TENM2: variants seen among roughly 807,000 people sequenced by gnomAD.
TENM2 encodes teneurin-2.
In TENM2, 52 loss-of-function variants were observed where a neutral mutation model predicts 245.2. That is an observed-to-expected ratio of 0.21 (90% CI 0.17 to 0.27). TENM2 has a LOEUF of 0.27. Ranked by LOEUF, TENM2 falls within the 10% of genes least tolerant of loss-of-function variation. The probability of loss-of-function intolerance (pLI) is 1.00; values close to 1 mark genes in which losing one functional copy is unlikely to be tolerated. For missense variants in TENM2, 3,046 were observed against 3,666.8 expected (o/e 0.83, Z 4.37); for synonymous variants, 1,363 against 1,438.9 (o/e 0.95, Z 1.19).
At chr5:167,663,790 G>A (rs1400046762) in intron 2 of TENM2, among the ~76,000 whole-genome samples, 1 of 151,758 alleles carries the variant, frequency 6.6e-6, no homozygotes, top group Non-Finnish European at 1.5e-5. Context: ...GAACATATAT[G>A]CGTCAAATTT....
intron 2 of TENM2, among the ~76,000 whole-genome samples, chr5:167,867,711 G>A (rs952545329): frequency 6.6e-6 from 1 of 152,164 alleles, no homozygotes; most frequent in African/African-American, 2.4e-5. Flanking sequence ...AGACATAAGA[G>A]GTCATAATGA....
At chr5:167,224,497 T>C in the TENM2 span, among the ~76,000 whole-genome samples, 1 of 152,070 alleles carries the variant, frequency 6.6e-6, no homozygotes, top group African/African-American at 2.4e-5. Flanking sequence ...CAGCTGGCTG[T>C]AAGTATGTGG....
At chr5:167,558,392 G>A (rs187978431) in intron 2 of TENM2, among the ~76,000 whole-genome samples, 64 of 152,290 alleles carry the variant, frequency 4.2e-4, no homozygotes, top group Admixed American at 1.0e-3. Flanking sequence ...AGGCCAAATT[G>A]AAAGTATAAA....
intron 8 of TENM2, among the ~76,000 whole-genome samples, chr5:168,094,914 G>C (rs1038361276): frequency 1.1e-4 from 17 of 152,088 alleles, no homozygotes; most frequent in African/African-American, 4.1e-4. Context: ...GATTATCATA[G>C]GAGGGCAAAC....
At chr5:167,423,960 G>C (rs1261263378) in intron 2 of TENM2, among the ~76,000 whole-genome samples, 1 of 152,130 alleles carries the variant, frequency 6.6e-6, no homozygotes, top group Admixed American at 6.5e-5. Flanking sequence ...CAAGTCCCAT[G>C]TGCTTTGTAG....
intron 2 of TENM2, among the ~76,000 whole-genome samples, chr5:167,439,264 G>C (rs996436681): frequency 1.3e-5 from 2 of 152,270 alleles, no homozygotes; most frequent in South Asian, 4.1e-4. Context: ...TAAAGTCATT[G>C]GACACTGCTC....
chr5:167,923,458 T>C (rs751244842), intron 3 of TENM2, among the ~76,000 whole-genome samples: 1 of 152,198 alleles, frequency 6.6e-6, no homozygotes, highest in Non-Finnish European at 1.5e-5. Flanking sequence ...ATAGGATTAA[T>C]TGATGCATAA....
At position 167,760,149 on chromosome 5, in the gene TENM2, G is replaced by T. The variant is rs201030452; in HGVS notation, c.503-115837G>T. Among the ~76,000 whole-genome samples, 55 of 152,168 alleles carry T rather than the reference G, an allele frequency of 3.6e-4. 1 individual carries two copies. The East Asian group carries it at 0.01, about 29-fold the overall frequency. On this transcript the variant is annotated intron_variant, in intron 2 of 28. Coordinates refer to ENST00000518659, the Ensembl canonical transcript of TENM2. Reference sequence around the variant, plus strand: ...CCAGCTCTTCACTGGTTAAAACTCCGCATGGTACATTTTATCCTCAATGGC... The same window carrying T: ...CCAGCTCTTCACTGGTTAAAACTCCTCATGGTACATTTTATCCTCAATGGC...
intron 1 of TENM2, among the ~76,000 whole-genome samples, chr5:167,342,653 C>T (rs1250311381): frequency 6.6e-6 from 1 of 150,944 alleles, no homozygotes; most frequent in Non-Finnish European, 1.5e-5. Flanking sequence ...TCAGCCTCCC[C>T]AGTAGCTGGG....
At chr5:167,370,622 G>T (rs572220024) in intron 1 of TENM2, among the ~76,000 whole-genome samples, 2 of 152,308 alleles carry the variant, frequency 1.3e-5, no homozygotes, top group Admixed American at 1.3e-4. Flanking sequence ...GTACCATGGG[G>T]CCACACTGGG....
At chr5:167,274,585 C>CT in the TENM2 span, among the ~76,000 whole-genome samples, 60 of 144,554 alleles carry the variant, frequency 4.2e-4, no homozygotes, top group South Asian at 1.1e-3. Flanking sequence ...TTCTTTCTTT[C>CT]TTTTTTTTTT....
At chr5:168,112,086 C>T (rs1352122209) in intron 9 of TENM2, among the ~76,000 whole-genome samples, 1 of 152,160 alleles carries the variant, frequency 6.6e-6, no homozygotes, top group African/African-American at 2.4e-5. Context: ...ATAATCAAAT[C>T]TGATCCTCTG....
intron 2 of TENM2, among the ~76,000 whole-genome samples, chr5:167,423,192 A>C (rs1458474623): frequency 6.6e-6 from 1 of 152,054 alleles, no homozygotes; most frequent in Non-Finnish European, 1.5e-5. Flanking sequence ...AAGACTTGCA[A>C]TTATTTAAAT....
chr5:167,060,435 G>A, the TENM2 span, among the ~76,000 whole-genome samples: 17 of 151,888 alleles, frequency 1.1e-4, no homozygotes, highest in African/African-American at 3.4e-4. Context: ...GGCGGATCAC[G>A]AGGTCAGGAG....
At chr5:168,036,008 A>C (rs953462083) in intron 5 of TENM2, among the ~76,000 whole-genome samples, 2 of 152,176 alleles carry the variant, frequency 1.3e-5, no homozygotes, top group African/African-American at 4.8e-5. Flanking sequence ...AACTTTCCAA[A>C]CGTGCCTATC....
intron 24 of TENM2, among the ~76,000 whole-genome samples, chr5:168,227,406 C>CAAAG (rs1326364758): frequency 2.0e-5 from 3 of 152,052 alleles, no homozygotes; most frequent in East Asian, 1.9e-4. Context: ...TCCATTTTCT[C>CAAAG]AAAGAAAGAA....
At chr5:167,231,229 C>T in the TENM2 span, among the ~76,000 whole-genome samples, 20 of 152,050 alleles carry the variant, frequency 1.3e-4, no homozygotes, top group African/African-American at 3.9e-4. Flanking sequence ...CAAAGGTACC[C>T]GAAAATGTGG....
chr5:167,686,615 A>G (rs1379472374), intron 2 of TENM2, among the ~76,000 whole-genome samples: 2 of 152,148 alleles, frequency 1.3e-5, no homozygotes, highest in Non-Finnish European at 2.9e-5. Context: ...CCATATCACA[A>G]GGGTCAATCT....
chr5:167,968,392 G>A (rs947308929), intron 4 of TENM2, among the ~76,000 whole-genome samples: 4 of 152,088 alleles, frequency 2.6e-5, no homozygotes, highest in African/African-American at 9.7e-5. Context: ...GCTGTCATTT[G>A]TACTTAAGCT....
Sources: allele counts gnomAD v4.1 joint callset (sites outside exome capture counted in the v4.1 genomes callset), GRCh38; gene constraint gnomAD v4.1.1; transcripts MANE v1.5; gene names NCBI Gene and HGNC (gene_info 2026-07-23, HGNC 2026-07-21).